Variants in LRRTM3 observed in about 807,000 individuals in gnomAD.
LRRTM3 encodes the protein leucine rich repeat transmembrane neuronal 3, also known as leucine-rich repeat transmembrane neuronal protein 3.
LRRTM3 carries 24 observed loss-of-function variants against 44.7 expected under a neutral mutation model. The observed-to-expected ratio is 0.54, with a 90% CI of 0.39 to 0.76. The LOEUF is 0.76. LRRTM3 is among the 30% of genes least tolerant of loss of function. The pLI is 0.00. For synonymous variants in LRRTM3, 277 were observed against 278.7 expected, an observed-to-expected ratio of 0.99 and a Z score of 0.06; for missense variants, 587 against 702.2, an observed-to-expected ratio of 0.84 and a Z score of 1.85.
chr10:66,991,130 G>A (rs1442797150), intron 2 of LRRTM3, among the ~76,000 whole-genome samples: 1 of 152,138 alleles, frequency 6.6e-6, no homozygotes, highest in Non-Finnish European at 1.5e-5. Flanking sequence ...ACACAACATA[G>A]GGGTTTTGTA....
At chr10:67,093,074 C>T (rs1781085484) in intron 2 of LRRTM3, among the ~76,000 whole-genome samples, 1 of 151,812 alleles carries the variant, frequency 6.6e-6, no homozygotes, top group Non-Finnish European at 1.5e-5. Flanking sequence ...TTAAAAGAAA[C>T]CAGAAGTAAT....
chr10:67,071,800 C>G (rs1050249617), intron 2 of LRRTM3, among the ~76,000 whole-genome samples: 10 of 152,012 alleles, frequency 6.6e-5, no homozygotes, highest in Admixed American at 3.9e-4. Flanking sequence ...CTAATTTTTC[C>G]CTTTTTCTTT....
intron 2 of LRRTM3, among the ~76,000 whole-genome samples, chr10:66,941,187 CA>C (rs1276132890): frequency 6.6e-5 from 10 of 152,186 alleles, no homozygotes; most frequent in Non-Finnish European, 8.8e-5. Context: ...TGCACAGTTA[CA>C]ACAGACTTTC....
At position 66,927,295 on chromosome 10, in the gene LRRTM3, A is replaced by G; in HGVS notation, c.379A>G (p.Asn127Asp). 1 of 1,614,120 alleles carries G rather than the reference A, an allele frequency of 6.2e-7. No homozygotes were observed. Residue 127 changes from asparagine to aspartate, a missense_variant, in exon 2 of 3, where the codon AAT becomes GAT. Transcript: ENST00000361320. The surrounding 1 kb of genome is among the most constrained non-coding windows in gnomAD (Gnocchi z 4.7). ...SSNRISYFLNNTFRPVTNLRN... is the reference protein window; with the variant it reads ...SSNRISYFLNDTFRPVTNLRN... ...CAATAGAATCTCCTATTTTCTTAAC[A>G]ATACCTTCAGACCTGTGACAAATTT...
intron 2 of LRRTM3, among the ~76,000 whole-genome samples, chr10:66,978,552 A>AAATAAAAAAATAAAAAAATATATATATAT: frequency 2.6e-5 from 1 of 37,866 alleles, no homozygotes; most frequent in Non-Finnish European, 4.8e-5. Flanking sequence ...AAAAAAAAAA[A>AAATAAAAAAATAAAAAAATATATATATAT]ATATATATAT....
At chr10:67,012,865 A>G (rs1041945708) in intron 2 of LRRTM3, 2 of 152,188 alleles carry the variant, frequency 1.3e-5, no homozygotes, top group African/African-American at 2.4e-5. Flanking sequence ...GCAGGTGGGA[A>G]AAATGTTACA....
chr10:67,070,989 T>C (rs1444612021), intron 2 of LRRTM3, among the ~76,000 whole-genome samples: 1 of 152,196 alleles, frequency 6.6e-6, no homozygotes, highest in Non-Finnish European at 1.5e-5. Flanking sequence ...CATTCTTGAG[T>C]TGGTTCTATA....
chr10:67,093,477 T>C (rs1234157584), intron 2 of LRRTM3, among the ~76,000 whole-genome samples: 2 of 151,594 alleles, frequency 1.3e-5, no homozygotes, highest in African/African-American at 4.8e-5. Context: ...AAGAAAAGAA[T>C]AAAAGGACCC....
Position 67,039,940 on chromosome 10 carries a change from G to A in LRRTM3, c.1537-57647G>A, listed in dbSNP as rs143979503. ...TTGGAGATAGCCAACCCACCAATCT[G>A]TCATAAAGCATATTAGCTGTCTGGG... On this transcript the variant is annotated intron_variant, in intron 2 of 2. Transcript: ENST00000361320. Among the ~76,000 whole-genome samples, 402 of 152,248 alleles carry A rather than the reference G, an allele frequency of 2.6e-3. 4 individuals carry two copies. The highest frequency in any genetic ancestry group is 9.3e-3 in the African/African-American group (386 of 41,540).
Position 66,947,407 on chromosome 10 carries a change from A to AT in LRRTM3, c.1536+18959dup, listed in dbSNP as rs1454443829. ...TTACCATTTCACTATATCACAAGGT[A>AT]TTTTCTTTATGAGGGTCCATGGGGA... On this transcript the variant is annotated intron_variant, in intron 2 of 2. Coordinates refer to ENST00000361320, the MANE Select transcript of LRRTM3 (RefSeq NM_178011.5). Among the ~76,000 whole-genome samples, 20 of 152,024 alleles carry AT rather than the reference A, an allele frequency of 1.3e-4. 1 individual carries two copies. The highest frequency in any genetic ancestry group is 3.6e-4 in the African/African-American group (15 of 41,396).
intron 2 of LRRTM3, among the ~76,000 whole-genome samples, chr10:67,096,212 T>G (rs1857983886): frequency 6.6e-6 from 1 of 151,808 alleles, no homozygotes; most frequent in Non-Finnish European, 1.5e-5. Flanking sequence ...ATTTTTTATT[T>G]TTTTGATTAC....
At chr10:66,942,159 G>A (rs905124701) in intron 2 of LRRTM3, among the ~76,000 whole-genome samples, 34 of 152,276 alleles carry the variant, frequency 2.2e-4, no homozygotes, top group South Asian at 6.2e-4. Flanking sequence ...GTCAGTAAAA[G>A]TTAGTTTTCT....
rs556228968 is a variant in LRRTM3, at chr10:67,091,705, G to A, written c.1537-5882G>A. 4.6e-5 allele frequency among the ~76,000 whole-genome samples: 7 copies of A among 152,162 alleles called. No homozygotes were observed. The South Asian group carries it at 1.0e-3, about 23-fold the overall frequency. On this transcript the variant is annotated intron_variant, in intron 2 of 2. Coordinates refer to ENST00000361320, the MANE Select transcript of LRRTM3 (RefSeq NM_178011.5). Reference sequence around the variant, plus strand: ...TAGTGGTAACAGAGATGAGAGATGTGTGTGCCTGTCATTGATGTCAAGAAA... The same window carrying A: ...TAGTGGTAACAGAGATGAGAGATGTATGTGCCTGTCATTGATGTCAAGAAA...
intron 2 of LRRTM3, among the ~76,000 whole-genome samples, chr10:67,049,913 T>A (rs189956100): frequency 2.1e-3 from 313 of 152,356 alleles, no homozygotes; most frequent in Middle Eastern, 3.4e-3. Flanking sequence ...GCATATGCTG[T>A]GTTTCACATT....
At chr10:66,933,303 G>T (rs1164590520) in intron 2 of LRRTM3, among the ~76,000 whole-genome samples, 2 of 152,126 alleles carry the variant, frequency 1.3e-5, no homozygotes, top group African/African-American at 4.8e-5. Flanking sequence ...TTTTTATACT[G>T]ATTATCACAA....
chr10:66,994,109 A>G (rs1447210314), intron 2 of LRRTM3, among the ~76,000 whole-genome samples: 1 of 152,178 alleles, frequency 6.6e-6, no homozygotes, highest in African/African-American at 2.4e-5. Context: ...CCTAGAAATA[A>G]GTAGCATTCA....
At chr10:66,939,093 T>G (rs1216190619) in intron 2 of LRRTM3, among the ~76,000 whole-genome samples, 1 of 152,158 alleles carries the variant, frequency 6.6e-6, no homozygotes, top group African/African-American at 2.4e-5. Flanking sequence ...GGTCTTGGCC[T>G]CTGATTTTAC....
At chr10:66,948,681 T>C (rs1346412172) in intron 2 of LRRTM3, among the ~76,000 whole-genome samples, 1 of 152,186 alleles carries the variant, frequency 6.6e-6, no homozygotes, top group Non-Finnish European at 1.5e-5. Context: ...CCTGGACTGG[T>C]AAACCACATA....
At chr10:66,951,111 A>ACG (rs1000402088) in intron 2 of LRRTM3, among the ~76,000 whole-genome samples, 1 of 148,016 alleles carries the variant, frequency 6.8e-6, no homozygotes, top group African/African-American at 2.5e-5. Context: ...ACACACACAC[A>ACG]CACACACTGT....
Sources: gnomAD v4.1 joint callset for allele counts (sites outside exome capture counted in the v4.1 genomes callset) on GRCh38, gnomAD v4.1.1 for gene constraint, Gnocchi (gnomAD v3.1) non-coding constraint, MANE v1.5 for transcripts, NCBI Gene and HGNC (gene_info 2026-07-23, HGNC 2026-07-21) for gene names.